ANKK1: variants seen among roughly 807,000 people sequenced by gnomAD.
The protein encoded by ANKK1 is ankyrin repeat and kinase domain containing 1, also known as ankyrin repeat and protein kinase domain-containing protein 1.
ANKK1 carries 37 observed loss-of-function variants against 37.6 expected under a neutral mutation model. The observed-to-expected ratio is 0.98, with a 90% CI of 0.76 to 1.29. ANKK1 has a LOEUF of 1.29. ANKK1 is among the 50% of genes most tolerant of loss of function. ANKK1 has a pLI of 0.00. For missense variants in ANKK1, 1,019 were observed against 990.6 expected (o/e 1.03, Z -0.39); for synonymous variants, 415 against 418.7 (o/e 0.99, Z 0.11).
At position 113,399,669 on chromosome 11, in the gene ANKK1, C is replaced by T. The variant is rs535913227; in HGVS notation, c.1700C>T (p.Ala567Val). The change falls in exon 8 of 8, where the codon GCA (alanine) becomes GTA (valine). Residue 567 changes from alanine (A) to valine (V), a missense_variant. Coordinates refer to ENST00000303941, the MANE Select transcript of ANKK1 (RefSeq NM_178510.2). ...AGCGGCTACGGCCCACTGCACACTG[C>T]AGCTGCCAGGGGCAAATACCTGATC... is the stretch of plus-strand genomic sequence containing the variant. ...DQSGYGPLHT[A>V]AARGKYLICK... is the part of the protein sequence containing the mutation. 4 of 1,599,954 alleles carry T rather than the reference C, an allele frequency of 2.5e-6. No homozygotes were observed. The South Asian group carries it at 4.5e-5, about 18-fold the overall frequency.
Position 113,397,365 on chromosome 11 carries a change from C to T in ANKK1, c.957+23C>T, listed in dbSNP as rs553170003. Reference sequence around the variant, plus strand: ...GAGGTGAGTGTGTGGGCTGGGCAGTCCTTATGGTCATGCTAAGCTGGAGCC... The same window carrying T: ...GAGGTGAGTGTGTGGGCTGGGCAGTTCTTATGGTCATGCTAAGCTGGAGCC... On this transcript the variant is annotated intron_variant, in intron 6 of 7. Transcript: ENST00000303941. 2.6e-5 allele frequency: 42 copies of T among 1,591,082 alleles called. No individual in the cohort carries two copies. The South Asian group carries it at 4.3e-4, about 16-fold the overall frequency.
chr11:113,399,074 C>G lies in ANKK1; in HGVS notation c.1105C>G (p.Leu369Val), dbSNP rs778061993. 6.2e-7 allele frequency: 1 copy of G among 1,601,394 alleles called. No individual in the cohort carries two copies. Among genetic ancestry groups the G allele is most frequent in the Non-Finnish European group, 8.5e-7 (1 of 1,174,048 alleles). The part of the protein sequence containing the change: ...YENKVTPLHF[L>V]VAQGSVEQVR... ...GAACAAGGTCACCCCCCTCCACTTCCTGGTGGCCCAGGGCAGTGTGGAGCA... is the reference window on the plus strand; with the variant it reads ...GAACAAGGTCACCCCCCTCCACTTCGTGGTGGCCCAGGGCAGTGTGGAGCA... The change falls in exon 8 of 8, where the codon CTG becomes GTG. Residue 369 changes from leucine (L) to valine (V), a missense_variant. Transcript: ENST00000303941.
In ANKK1 at chr11:113,395,351, A is replaced by G; in HGVS notation, c.633-8A>G. ...AAGTCATTCAGAAAGGGTTCTCTGC[A>G]TCCACAGCTTTGCAATTGTCATCTG... On this transcript the variant is annotated splice_polypyrimidine_tract_variant and splice_region_variant and intron_variant, in intron 3 of 7. Coordinates refer to ENST00000303941, the MANE Select transcript of ANKK1 (RefSeq NM_178510.2). 1 of 1,613,756 alleles carries G rather than the reference A, an allele frequency of 6.2e-7. No homozygotes were observed. The highest frequency in any genetic ancestry group is 2.2e-5 in the East Asian group (1 of 44,872).
intron 1 of ANKK1, among the ~76,000 whole-genome samples, chr11:113,390,286 A>C (rs924804037): frequency 7.9e-5 from 12 of 152,228 alleles, no homozygotes; most frequent in African/African-American, 2.7e-4. Flanking sequence ...CTATGAAAAG[A>C]GGCCTAGACT....
At chr11:113,393,440 A>G in intron 1 of ANKK1, 41 bp from the exon 2 acceptor site, 1 of 1,570,826 alleles carries the variant, frequency 6.4e-7, no homozygotes, top group Non-Finnish European at 8.7e-7. Context: ...GTAGTAATGA[A>G]TGGGTCACCC....
At chr11:113,395,903 A>G (rs993544462) in intron 4 of ANKK1, among the ~76,000 whole-genome samples, 164 bp from the exon 5 acceptor site, 1 of 152,228 alleles carries the variant, frequency 6.6e-6, no homozygotes, top group Non-Finnish European at 1.5e-5. Context: ...TGCTCAACAC[A>G]GAACCTCAAG....
intron 1 of ANKK1, among the ~76,000 whole-genome samples, chr11:113,390,735 C>CA (rs202164619): frequency 0.32 from 27,083 of 83,734 alleles, 3,158 homozygotes; most frequent in East Asian, 0.57. Context: ...GACTTGGTCT[C>CA]AAAAAAAAAA....
At chr11:113,393,798 C>T (rs759984734) in intron 2 of ANKK1, 23 bp downstream of exon 2, 52 of 1,567,810 alleles carry the variant, frequency 3.3e-5, no homozygotes, top group East Asian at 4.5e-5. Flanking sequence ...GCCAATCCTC[C>T]GCTCCCTTTC....
intron 5 of ANKK1, 85 bp from the exon 6 acceptor site, chr11:113,397,139 G>A: frequency 5.4e-6 from 6 of 1,106,844 alleles, no homozygotes; most frequent in Non-Finnish European, 7.8e-6. Flanking sequence ...TTGGGAGACA[G>A]GAATGTTAGG....
rs1459944729 is a variant in ANKK1, at chr11:113,393,755, G to A, written c.460G>A (p.Asp154Asn). Residue 154 changes from aspartate to asparagine, a missense_variant, in exon 2 of 8, where the codon GAC becomes AAC. By Grantham distance (23) the Asp-to-Asn change is conservative. Coordinates refer to ENST00000303941, the MANE Select transcript of ANKK1 (RefSeq NM_178510.2). ...CCTCAAGCCGGGCAACATACTCCTG[G>A]ACAGCAACATGCATGTCAAAGTAAG... The part of the protein sequence containing the change: ...LDLKPGNILL[D>N]SNMHVKISDF... 1 of 1,606,914 alleles carries A rather than the reference G, an allele frequency of 6.2e-7. No individual in the cohort carries two copies. The highest frequency in any genetic ancestry group is 8.5e-7 in the Non-Finnish European group (1 of 1,177,586).
chr11:113,387,846 G>C lies in ANKK1; in HGVS notation c.-39G>C. ...TTCGGCCACCCAGGCAGCAGCCACA[G>C]CGGGGAGTGCGCGGCGCGGGGACAG... On this transcript the variant is annotated 5_prime_UTR_variant, in exon 1 of 8. Coordinates refer to ENST00000303941, the MANE Select transcript of ANKK1 (RefSeq NM_178510.2). 6.9e-7 allele frequency: 1 copy of C among 1,459,306 alleles called. No individual in the cohort carries two copies. Among genetic ancestry groups the C allele is most frequent in the South Asian group, 1.4e-5 (1 of 73,628 alleles). The allele number at this position is 1,459,306 out of a possible 1,614,324, so 90.4% of individuals were successfully genotyped here. A position where few individuals can be genotyped will look rare whatever the true frequency, so the allele number is the denominator to read the frequency against.
intron 4 of ANKK1, 88 bp downstream of exon 4, chr11:113,395,496 G>A (rs561844753): frequency 5.6e-6 from 8 of 1,437,018 alleles, no homozygotes; most frequent in South Asian, 2.4e-5. Context: ...CTGAGGGTTG[G>A]GGGGGGTCAA....
chr11:113,396,341 A>ATT, intron 5 of ANKK1, 119 bp downstream of exon 5: 3 of 1,102,730 alleles, frequency 2.7e-6, no homozygotes, highest in South Asian at 1.8e-5. Flanking sequence ...GCCTAGAAGG[A>ATT]CTTTTTTTTT....
chr11:113,400,402 C>A lies in ANKK1; in HGVS notation c.*135C>A. On this transcript the variant is annotated 3_prime_UTR_variant, in exon 8 of 8. Transcript: ENST00000303941. ...CAAAACCCTGTCTCTGCTAAAAATA[C>A]AAAATTTAGCTGGGTATGGTGGCAC... is the stretch of plus-strand genomic sequence containing the variant. 1.1e-6 allele frequency: 1 copy of A among 932,176 alleles called. No homozygotes were observed. The highest frequency in any genetic ancestry group is 1.6e-6 in the Non-Finnish European group (1 of 642,668). The allele number at this position is 932,176 out of a possible 1,614,324, so 57.7% of individuals were successfully genotyped here. A position where few individuals can be genotyped will look rare whatever the true frequency, so the allele number is the denominator to read the frequency against.
At chr11:113,389,996 T>C (rs992189495) in intron 1 of ANKK1, among the ~76,000 whole-genome samples, 9 of 151,676 alleles carry the variant, frequency 5.9e-5, no homozygotes, top group Non-Finnish European at 8.8e-5. Flanking sequence ...TAGAGTGGAG[T>C]GTTGGTAGTG....
chr11:113,392,690 C>T (rs1321103248), intron 1 of ANKK1, among the ~76,000 whole-genome samples: 1 of 152,218 alleles, frequency 6.6e-6, no homozygotes, highest in Non-Finnish European at 1.5e-5. Flanking sequence ...TTTGTAAGGC[C>T]TTCCCTTAAG....
intron 1 of ANKK1, among the ~76,000 whole-genome samples, chr11:113,390,887 G>A (rs560243767): frequency 7.9e-5 from 12 of 152,286 alleles, no homozygotes; most frequent in African/African-American, 1.9e-4. Flanking sequence ...AAACTTTTTA[G>A]CTATAGCACT....
intron 5 of ANKK1, 121 bp downstream of exon 5, chr11:113,396,343 T>A (rs1950639231): frequency 2.8e-4 from 25 of 89,478 alleles, no homozygotes; most frequent in Non-Finnish European, 6.3e-4. Context: ...CTAGAAGGAC[T>A]TTTTTTTTTT....
intron 2 of ANKK1, among the ~76,000 whole-genome samples, chr11:113,394,395 T>C (rs1369132994): frequency 6.6e-6 from 1 of 152,152 alleles, no homozygotes; most frequent in Non-Finnish European, 1.5e-5. Flanking sequence ...ATGGAGTGTG[T>C]GTGTTGGCAG....
Sources: gnomAD v4.1 joint callset for allele counts (sites outside exome capture counted in the v4.1 genomes callset) on GRCh38, gnomAD v4.1.1 for gene constraint, MANE v1.5 for transcripts, NCBI Gene and HGNC (gene_info 2026-07-23, HGNC 2026-07-21) for gene names.